Variants in TBX15 observed in about 807,000 individuals in gnomAD.
TBX15 encodes the protein T-box transcription factor 15.
Under a neutral mutation model 53.9 loss-of-function variants are expected in TBX15, and 18 were observed. That is an observed-to-expected ratio of 0.33 (90% CI 0.23 to 0.49). The LOEUF (loss-of-function observed/expected upper bound fraction) is 0.49. Among genes scored for constraint, TBX15 ranks in the 20% least tolerant of loss-of-function variants. The pLI is 0.98. For synonymous variants in TBX15, 295 were observed against 278.0 expected (o/e 1.06, Z -0.61); for missense variants, 692 against 749.5 (o/e 0.92, Z 0.90).
intron 1 of TBX15, among the ~76,000 whole-genome samples, chr1:118,951,575 C>CA (rs1454674290): frequency 6.6e-6 from 1 of 152,180 alleles, no homozygotes; most frequent in Non-Finnish European, 1.5e-5. Flanking sequence ...CTCTTCTTGG[C>CA]AATTTTTAAA....
At chr1:118,895,229 T>G (rs1654380892) in intron 7 of TBX15, among the ~76,000 whole-genome samples, 2 of 152,194 alleles carry the variant, frequency 1.3e-5, no homozygotes, top group South Asian at 4.1e-4. Flanking sequence ...CACCCAATGG[T>G]ACTGAACTCG....
intron 6 of TBX15, among the ~76,000 whole-genome samples, chr1:118,913,351 A>G (rs1286968023): frequency 1.3e-5 from 2 of 152,220 alleles, no homozygotes; most frequent in African/African-American, 4.8e-5. Context: ...CTGATTGAAT[A>G]ATCTTAGATA....
chr1:118,896,587 A>G (rs1291289863), intron 7 of TBX15, among the ~76,000 whole-genome samples: 3 of 152,208 alleles, frequency 2.0e-5, no homozygotes, highest in Admixed American at 6.5e-5. Context: ...TAAGTCAGTC[A>G]CTATTTGGCA....
intron 1 of TBX15, among the ~76,000 whole-genome samples, chr1:118,956,888 G>A (rs367656146): frequency 1.4e-4 from 21 of 151,700 alleles, no homozygotes; most frequent in East Asian, 3.9e-4. Context: ...GCATGAACCC[G>A]GGAGGCGGAG....
At chr1:118,975,939 ACTT>A (rs762606112) in intron 1 of TBX15, among the ~76,000 whole-genome samples, 48 of 152,166 alleles carry the variant, frequency 3.2e-4, no homozygotes, top group Non-Finnish European at 5.7e-4. Flanking sequence ...GGACCTCAGC[ACTT>A]CTTCTTAAGG....
chr1:118,950,948 T>C (rs769106463), intron 1 of TBX15, among the ~76,000 whole-genome samples: 1 of 152,220 alleles, frequency 6.6e-6, no homozygotes, highest in African/African-American at 2.4e-5. Context: ...CATGCCACTG[T>C]GCACTCCGAA....
At chr1:118,916,589 C>T (rs754021354) in intron 5 of TBX15, among the ~76,000 whole-genome samples, 1 of 152,216 alleles carries the variant, frequency 6.6e-6, no homozygotes, top group Middle Eastern at 3.4e-3. Flanking sequence ...AGAGGCCAAG[C>T]GTGGTGGCTC....
At chr1:118,917,788 G>A (rs1053828344) in intron 5 of TBX15, among the ~76,000 whole-genome samples, 1 of 152,092 alleles carries the variant, frequency 6.6e-6, no homozygotes. Context: ...TCGTTAACAT[G>A]TAACTGGACC....
rs141015289 is a variant in TBX15 at position 118,982,518 on chromosome 1, C to T, written c.205+5073G>A. On this transcript the variant is annotated intron_variant, in intron 1 of 7. Coordinates refer to ENST00000369429, the MANE Select transcript of TBX15 (RefSeq NM_001330677.2). ...TGTGGCCTAATATGAGGGTTAATGA[C>T]GAGGAACTCGTTTCCATGTTTACAC... Among the ~76,000 whole-genome samples the T allele has an allele frequency of 1.3e-3, 191 of 152,218 alleles. 1 individual carries two copies. Among genetic ancestry groups the T allele is most frequent in the African/African-American group, 4.3e-3 (177 of 41,518 alleles).
At chr1:118,967,458 C>A (rs554883202) in intron 1 of TBX15, among the ~76,000 whole-genome samples, 1 of 152,096 alleles carries the variant, frequency 6.6e-6, no homozygotes, top group Non-Finnish European at 1.5e-5. Context: ...GATGTGTTTG[C>A]CACCACTGAG....
At chr1:118,935,790 A>T (rs758395716) in intron 1 of TBX15, among the ~76,000 whole-genome samples, 8 of 152,226 alleles carry the variant, frequency 5.3e-5, no homozygotes, top group South Asian at 2.1e-4. Context: ...TTCTCACTCT[A>T]GCAATAATAA....
At chr1:118,976,285 T>C (rs1291370413) in intron 1 of TBX15, among the ~76,000 whole-genome samples, 1 of 152,162 alleles carries the variant, frequency 6.6e-6, no homozygotes, top group Non-Finnish European at 1.5e-5. Flanking sequence ...ATTTAGTCTC[T>C]TTCTTCTTTT....
At chr1:118,940,198 CA>C (rs1390843487) in intron 1 of TBX15, among the ~76,000 whole-genome samples, 2 of 151,914 alleles carry the variant, frequency 1.3e-5, no homozygotes, top group African/African-American at 4.9e-5. Context: ...AAGGAAAATT[CA>C]AACGAAGGTC....
intron 5 of TBX15, among the ~76,000 whole-genome samples, chr1:118,919,328 T>G (rs1655348163): frequency 6.6e-6 from 1 of 152,228 alleles, no homozygotes; most frequent in Non-Finnish European, 1.5e-5. Context: ...AAGTGTTGAG[T>G]CACCTTTATT....
intron 7 of TBX15, 53 bp downstream of exon 7, chr1:118,898,975 C>T: frequency 1.3e-6 from 2 of 1,573,126 alleles, no homozygotes; most frequent in South Asian, 2.2e-5. Context: ...GGTTGAGCTC[C>T]CACTCTGTCC....
rs754145210 is a variant in TBX15, at chr1:118,926,557, C to T, written c.474G>A (p.Gln158=). 1.9e-6 allele frequency: 3 copies of T among 1,613,972 alleles called. No individual in the cohort carries two copies. The highest frequency in any genetic ancestry group is 2.5e-6 in the Non-Finnish European group (3 of 1,179,918). Residue 158 remains glutamine (Q), a synonymous_variant, in exon 3 of 8, where the codon CAG becomes CAA. Coordinates refer to ENST00000369429, the MANE Select transcript of TBX15 (RefSeq NM_001330677.2). ...VKITGLDPHQ[Q]YYIAMDIVPV... The stretch of plus-strand genomic sequence containing the variant: ...GCACAATGTCCATTGCTATGTAGTA[C>T]TGCTGATGTGGATCTAGGCCAGTGA...
chr1:118,975,788 C>T (rs1206324893), intron 1 of TBX15, among the ~76,000 whole-genome samples: 1 of 152,238 alleles, frequency 6.6e-6, no homozygotes, highest in Non-Finnish European at 1.5e-5. Context: ...GTTGTGGACA[C>T]TGAGCAAAGA....
chr1:118,923,079 C>T (rs1032045717), intron 5 of TBX15, among the ~76,000 whole-genome samples: 2 of 151,588 alleles, frequency 1.3e-5, no homozygotes, highest in African/African-American at 4.9e-5. Context: ...GATGCTATAT[C>T]TCGTATCAGA....
intron 6 of TBX15, among the ~76,000 whole-genome samples, chr1:118,906,046 G>A (rs1654809973): frequency 6.6e-6 from 1 of 152,130 alleles, no homozygotes; most frequent in Non-Finnish European, 1.5e-5. Context: ...CAGTAAAATG[G>A]GAAATAGTGC....
Sources: allele counts gnomAD v4.1 joint callset (sites outside exome capture counted in the v4.1 genomes callset), GRCh38; gene constraint gnomAD v4.1.1; transcripts MANE v1.5; gene names NCBI Gene and HGNC (gene_info 2026-07-23, HGNC 2026-07-21).